SH3GL2: variants seen among roughly 807,000 people sequenced by gnomAD.
SH3GL2 encodes SH3 domain containing GRB2 like 2, endophilin A1, also known as endophilin-A1.
Under a neutral mutation model 46.0 loss-of-function variants are expected in SH3GL2, and 24 were observed. That is an observed-to-expected ratio of 0.52 (90% CI 0.38 to 0.73). The LOEUF is 0.73. Ranked by LOEUF, SH3GL2 falls within the 30% of genes least tolerant of loss-of-function variation. SH3GL2 has a pLI of 0.00. For synonymous variants in SH3GL2, 196 were observed against 147.1 expected (o/e 1.33, Z -2.40); for missense variants, 413 against 424.2 (o/e 0.97, Z 0.23).
At chr9:17,732,673 G>T (rs1822216338) in intron 1 of SH3GL2, among the ~76,000 whole-genome samples, 1 of 152,088 alleles carries the variant, frequency 6.6e-6, no homozygotes, top group Non-Finnish European at 1.5e-5. Flanking sequence ...GTGATAATAT[G>T]ATTCAATAGG....
chr9:17,638,167 C>A (rs997775326), intron 1 of SH3GL2, among the ~76,000 whole-genome samples: 15 of 137,776 alleles, frequency 1.1e-4, no homozygotes, highest in East Asian at 2.3e-4. Context: ...AAAAAAAAAA[C>A]AAAAAAACAA....
chr9:17,650,146 G>T (rs1316906621), intron 1 of SH3GL2, among the ~76,000 whole-genome samples: 1 of 152,168 alleles, frequency 6.6e-6, no homozygotes, highest in East Asian at 1.9e-4. Context: ...TCTACATTCA[G>T]ATTCTCAACT....
chr9:17,619,930 G>A (rs999473955), intron 1 of SH3GL2, among the ~76,000 whole-genome samples: 1 of 152,162 alleles, frequency 6.6e-6, no homozygotes, highest in Non-Finnish European at 1.5e-5. Flanking sequence ...TCAGCCTGGA[G>A]TGTTAAATGC....
chr9:17,659,288 C>T (rs554025490), intron 1 of SH3GL2, among the ~76,000 whole-genome samples: 58 of 152,302 alleles, frequency 3.8e-4, no homozygotes, highest in African/African-American at 1.4e-3. Context: ...GCAGCATTGT[C>T]TGTGTTCCTG....
chr9:17,693,888 T>A (rs1296937908), intron 1 of SH3GL2, among the ~76,000 whole-genome samples: 1 of 152,220 alleles, frequency 6.6e-6, no homozygotes, highest in African/African-American at 2.4e-5. Context: ...ATGGTAATAA[T>A]TTAATTTCTA....
rs58408701 is a variant in SH3GL2, at chr9:17,743,569, A to AACACACACACACACACACAC, written c.46-3484_46-3465dup. 6.9e-3 allele frequency among the ~76,000 whole-genome samples: 995 copies of AACACACACACACACACACAC among 143,652 alleles called. 8 individuals are homozygous for AACACACACACACACACACAC. Among genetic ancestry groups the AACACACACACACACACACAC allele is most frequent in the East Asian group, 0.016 (73 of 4,688 alleles). 94.2% of individuals were successfully genotyped at this position (143,652 alleles called of 152,430 possible). A position where few individuals can be genotyped will look rare whatever the true frequency, so the allele number is the denominator to read the frequency against. On this transcript the variant is annotated intron_variant, in intron 1 of 8. Coordinates refer to ENST00000380607, the MANE Select transcript of SH3GL2 (RefSeq NM_003026.5). ...TCTCTTCTTCCCTCTCTCTTTTGTG[A>AACACACACACACACACACAC]ACACACACACACACACACACACACA...
intron 3 of SH3GL2, among the ~76,000 whole-genome samples, chr9:17,779,862 C>A (rs1264650427): frequency 2.0e-5 from 3 of 152,138 alleles, no homozygotes; most frequent in African/African-American, 7.2e-5. Flanking sequence ...TGTGTTTCTG[C>A]AGTTGAAGTA....
At chr9:17,598,812 C>A (rs1346539728) in intron 1 of SH3GL2, among the ~76,000 whole-genome samples, 1 of 152,144 alleles carries the variant, frequency 6.6e-6, no homozygotes, top group East Asian at 1.9e-4. Flanking sequence ...TACCATTATG[C>A]CCATTTTACT....
intron 1 of SH3GL2, among the ~76,000 whole-genome samples, chr9:17,641,353 A>G (rs1819676716): frequency 6.6e-6 from 1 of 152,210 alleles, no homozygotes; most frequent in Non-Finnish European, 1.5e-5. Flanking sequence ...TTTGAATTCA[A>G]ATTATAGTTT....
chr9:17,786,581 C>G, intron 4 of SH3GL2, 57 bp downstream of exon 4: 1 of 1,563,540 alleles, frequency 6.4e-7, no homozygotes, highest in South Asian at 1.1e-5. Flanking sequence ...GATTTTGGTG[C>G]TGGTAAGAAA....
At chr9:17,673,341 G>A (rs1032128048) in intron 1 of SH3GL2, among the ~76,000 whole-genome samples, 3 of 149,732 alleles carry the variant, frequency 2.0e-5, no homozygotes, top group African/African-American at 7.4e-5. Context: ...TTTTATAGAG[G>A]CGGGGTTTCA....
chr9:17,687,417 G>A lies in SH3GL2; in HGVS notation c.46-59649G>A, dbSNP rs188314140. Among the ~76,000 whole-genome samples the A allele has an allele frequency of 1.8e-3, 274 of 151,082 alleles. 2 individuals carry two copies. The highest frequency in any genetic ancestry group is 6.3e-3 in the African/African-American group (258 of 41,090). ...AGTATTGTTGCAGATATTGGAGGAG[G>A]AGTATGCTGAATGGTAACACTGAGA... On this transcript the variant is annotated intron_variant, in intron 1 of 8. Coordinates refer to ENST00000380607, the MANE Select transcript of SH3GL2 (RefSeq NM_003026.5).
chr9:17,587,891 A>T (rs902098224), intron 1 of SH3GL2, among the ~76,000 whole-genome samples: 5 of 147,190 alleles, frequency 3.4e-5, no homozygotes, highest in African/African-American at 5.5e-5. Flanking sequence ...TCTCAAAAAA[A>T]CAAAAACCAA....
chr9:17,753,854 A>G (rs965766265), intron 2 of SH3GL2, among the ~76,000 whole-genome samples: 1 of 152,138 alleles, frequency 6.6e-6, no homozygotes, highest in Non-Finnish European at 1.5e-5. Context: ...TAATTTTTGT[A>G]TATGGTGTAA....
intron 3 of SH3GL2, among the ~76,000 whole-genome samples, chr9:17,779,725 C>G (rs1244419878): frequency 2.0e-5 from 3 of 152,142 alleles, no homozygotes; most frequent in Non-Finnish European, 2.9e-5. Flanking sequence ...TATCTAATGG[C>G]CTAGCCTTCA....
intron 1 of SH3GL2, among the ~76,000 whole-genome samples, chr9:17,725,978 G>A (rs1286640941): frequency 1.3e-5 from 2 of 152,084 alleles, no homozygotes. Flanking sequence ...AGGGGTGTAG[G>A]GAGGGTATGG....
chr9:17,794,392 G>A (rs1380819137), intron 8 of SH3GL2, among the ~76,000 whole-genome samples: 2 of 152,116 alleles, frequency 1.3e-5, no homozygotes, highest in African/African-American at 4.8e-5. Flanking sequence ...GAAAAAAAGC[G>A]AGGTCTGAGC....
intron 1 of SH3GL2, among the ~76,000 whole-genome samples, chr9:17,624,023 G>T (rs183824948): frequency 6.6e-6 from 1 of 151,934 alleles, no homozygotes; most frequent in Non-Finnish European, 1.5e-5. Flanking sequence ...TATTTCATTC[G>T]TTCGTTTCTT....
At chr9:17,676,818 C>G (rs752736584) in intron 1 of SH3GL2, among the ~76,000 whole-genome samples, 1 of 152,146 alleles carries the variant, frequency 6.6e-6, no homozygotes, top group Non-Finnish European at 1.5e-5. Flanking sequence ...AGATGCTTCT[C>G]CATCTTGCTT....
Sources: gnomAD v4.1 joint callset for allele counts (sites outside exome capture counted in the v4.1 genomes callset) on GRCh38, gnomAD v4.1.1 for gene constraint, MANE v1.5 for transcripts, NCBI Gene and HGNC (gene_info 2026-07-23, HGNC 2026-07-21) for gene names.